HNRNPA3: variants seen among roughly 807,000 people sequenced by gnomAD.
HNRNPA3 encodes heterogeneous nuclear ribonucleoprotein A3.
HNRNPA3 carries 3 observed loss-of-function variants against 45.8 expected under a neutral mutation model. The ratio of observed to expected loss-of-function variants is 0.07; its 90% CI spans 0.03 to 0.17. The LOEUF is 0.17. Ranked by LOEUF, HNRNPA3 falls within the 10% of genes least tolerant of loss-of-function variation. The pLI, the probability that HNRNPA3 is intolerant of heterozygous loss-of-function variation, is 1.00. For synonymous variants in HNRNPA3, 170 were observed against 155.6 expected (o/e 1.09, Z -0.69); for missense variants, 183 against 480.3 (o/e 0.38, Z 5.79).
At chr2:177,216,351 A>G (rs1193880952) in intron 4 of HNRNPA3, 152 bp from the exon 5 acceptor site, 3 of 721,602 alleles carry the variant, frequency 4.2e-6, no homozygotes, top group Non-Finnish European at 6.8e-6. Flanking sequence ...AGATCAAGAA[A>G]TAAACATAAA....
At chr2:177,214,868 A>C (rs1454786444) in intron 1 of HNRNPA3, among the ~76,000 whole-genome samples, 1 of 152,220 alleles carries the variant, frequency 6.6e-6, no homozygotes, top group African/African-American at 2.4e-5. Flanking sequence ...GGATAGATGC[A>C]ACACTGCTTC....
rs768137934 is a variant in HNRNPA3, at chr2:177,219,186, T to A, written c.1084+27T>A. On this transcript the variant is annotated intron_variant, in intron 9 of 10. Coordinates refer to ENST00000392524, the Ensembl canonical transcript of HNRNPA3. ...TAAGTACTTTCTTAAATCAATTCTT[T>A]AGAGCCTTTTTAATTTAAAAAATGT... is the stretch of plus-strand genomic sequence containing the variant. The A allele has an allele frequency of 3.7e-6, 6 of 1,610,936 alleles. No homozygotes were observed. The Admixed American group carries it at 5.1e-5, about 14-fold the overall frequency.
At chr2:177,214,641 A>G (rs746207464) in intron 1 of HNRNPA3, among the ~76,000 whole-genome samples, 4 of 152,204 alleles carry the variant, frequency 2.6e-5, no homozygotes, top group Non-Finnish European at 5.9e-5. Flanking sequence ...TAAAAATACA[A>G]AAAGTTAGCT....
exon 2 of HNRNPA3, chr2:177,215,607 A>T: frequency 6.2e-7 from 1 of 1,613,082 alleles, no homozygotes; most frequent in Non-Finnish European, 8.5e-7. Flanking sequence ...TTGAAACTAC[A>T]GATGATAGTT....
chr2:177,218,598 T>C (rs184074534), intron 8 of HNRNPA3, among the ~76,000 whole-genome samples: 118 of 152,316 alleles, frequency 7.7e-4, no homozygotes, highest in Non-Finnish European at 1.5e-3. Context: ...ATATAATATG[T>C]CACAGGTAGT....
chr2:177,220,620 C>T (rs1558972204), downstream of HNRNPA3: 1 of 152,560 alleles, frequency 6.6e-6, no homozygotes, highest in Non-Finnish European at 1.5e-5. Context: ...CCAAAATAAC[C>T]TAACTGCAGC....
intron 8 of HNRNPA3, 54 bp downstream of exon 8, chr2:177,217,899 TC>T: frequency 7.0e-7 from 1 of 1,431,430 alleles, no homozygotes; most frequent in Non-Finnish European, 9.4e-7. Flanking sequence ...TGCTAACAGT[TC>T]CCATGACACA....
intron 8 of HNRNPA3, among the ~76,000 whole-genome samples, 200 bp downstream of exon 8, chr2:177,218,045 CTTTTTTCT>C (rs1462916187): frequency 1.4e-4 from 15 of 107,636 alleles, no homozygotes; most frequent in African/African-American, 4.4e-4. Flanking sequence ...ACTCAGCTCT[CTTTTTTCT>C]TTTTTTTTTT....
intron 1 of HNRNPA3, among the ~76,000 whole-genome samples, chr2:177,213,080 T>C (rs1220153091): frequency 6.6e-6 from 1 of 152,064 alleles, no homozygotes; most frequent in Non-Finnish European, 1.5e-5. Context: ...AGGCGGCCCC[T>C]TGGAGGCGCG....
chr2:177,220,887 C>T (rs1355671583), downstream of HNRNPA3: 3 of 152,542 alleles, frequency 2.0e-5, no homozygotes, highest in Non-Finnish European at 2.9e-5. Context: ...CAGTTTCATT[C>T]GAGCCCTGAG....
chr2:177,216,983 TTTAC>T lies in HNRNPA3; in HGVS notation c.820+47_820+50del, dbSNP rs768039249. 12 of 1,427,882 alleles carry T rather than the reference TTTAC, an allele frequency of 8.4e-6. No individual in the cohort carries two copies. The African/African-American group carries it at 8.8e-5, about 10-fold the overall frequency. The allele number at this position is 1,427,882 out of a possible 1,614,324, so 88.5% of individuals were successfully genotyped here. A position where few individuals can be genotyped will look rare whatever the true frequency, so the allele number is the denominator to read the frequency against. ...ATTGATGTTTGATATTTTAACTTTC[TTTAC>T]TTATTGAAAATTATTTATTACACTT... On this transcript the variant is annotated intron_variant, in intron 7 of 10. Coordinates refer to ENST00000392524, the Ensembl canonical transcript of HNRNPA3.
At chr2:177,216,067 C>T (rs753203215) in exon 4 of HNRNPA3, 12 of 1,559,234 alleles carry the variant, frequency 7.7e-6, no homozygotes, top group South Asian at 1.1e-5. Flanking sequence ...ATTTGAGAGA[C>T]TACTTTGAAA....
Position 177,215,957 on chromosome 2 carries a change from A to C in HNRNPA3, c.343-21A>C, listed in dbSNP as rs771890440. ...GTTGTGAAAGTTTGTTTCTTGACTT[A>C]ATATATTACTTTATTTGTAGGATTC... On this transcript the variant is annotated intron_variant, in intron 3 of 10. Coordinates refer to ENST00000392524, the Ensembl canonical transcript of HNRNPA3. 15 of 1,597,726 alleles carry C rather than the reference A, an allele frequency of 9.4e-6. No homozygotes were observed. The East Asian group carries it at 3.3e-4, about 36-fold the overall frequency.
Position 177,212,886 on chromosome 2 carries a change from G to C in HNRNPA3, c.72+15G>C. 6.9e-7 allele frequency: 1 copy of C among 1,445,986 alleles called. No homozygotes were observed. The allele number at this position is 1,445,986 out of a possible 1,614,324, so 89.6% of individuals were successfully genotyped here. ...GGGGGGAGGAGGTATTAGGGGGAGA[G>C]CGGGGGGTTGGTGGGGAATGGCCGG... On this transcript the variant is annotated intron_variant, in intron 1 of 10. Coordinates refer to ENST00000392524, the Ensembl canonical transcript of HNRNPA3.
exon 8 of HNRNPA3, chr2:177,217,779 CAAGGTGGTG>C: frequency 1.1e-5 from 18 of 1,612,720 alleles, no homozygotes; most frequent in Non-Finnish European, 1.5e-5. Flanking sequence ...ATATGGAAAC[CAAGGTGGTG>C]GATATGGTGG....
chr2:177,219,243 T>A lies in HNRNPA3; in HGVS notation c.1085-4T>A. 6.2e-7 allele frequency: 1 copy of A among 1,613,484 alleles called. No individual in the cohort carries two copies. Among genetic ancestry groups the A allele is most frequent in the Non-Finnish European group, 8.5e-7 (1 of 1,179,734 alleles). ...TTCTTTTAAAATACTATGTATATTTTCAGGTGGTTATGGATCTGGTGGTGG... is the reference window on the plus strand; with the variant it reads ...TTCTTTTAAAATACTATGTATATTTACAGGTGGTTATGGATCTGGTGGTGG... On this transcript the variant is annotated splice_region_variant and splice_polypyrimidine_tract_variant and intron_variant, in intron 9 of 10. Coordinates refer to ENST00000392524, the Ensembl canonical transcript of HNRNPA3.
At chr2:177,213,058 C>G (rs529325842) in intron 1 of HNRNPA3, among the ~76,000 whole-genome samples, 187 bp downstream of exon 1, 211 of 152,258 alleles carry the variant, frequency 1.4e-3, no homozygotes, top group African/African-American at 4.9e-3. Flanking sequence ...TCGCCTTCAC[C>G]TTCGGCTGCA....
Position 177,215,497 on chromosome 2 carries a change from T to C in HNRNPA3, c.73-42T>C, listed in dbSNP as rs375065091. On this transcript the variant is annotated intron_variant, in intron 1 of 10. Transcript: ENST00000392524. ...AAGGCTCTTCGTGCATCTTAATTCA[T>C]CTACTGTAAGGTAACTTAAGAGTAT... 8.1e-6 allele frequency: 13 copies of C among 1,599,220 alleles called. No individual in the cohort carries two copies. In the African/African-American group the frequency reaches 1.7e-4, roughly 21 times the overall value.
At chr2:177,218,412 T>C (rs1424275859) in intron 8 of HNRNPA3, among the ~76,000 whole-genome samples, 1 of 152,184 alleles carries the variant, frequency 6.6e-6, no homozygotes, top group Non-Finnish European at 1.5e-5. Flanking sequence ...TTTACCAGTA[T>C]TCAGTACATG....
Sources: allele counts gnomAD v4.1 joint callset (sites outside exome capture counted in the v4.1 genomes callset), GRCh38; gene constraint gnomAD v4.1.1; transcripts MANE v1.5; gene names NCBI Gene and HGNC (gene_info 2026-07-23, HGNC 2026-07-21).